ELAVL4: variants seen among roughly 807,000 people sequenced by gnomAD.
ELAVL4 encodes ELAV-like protein 4.
Under a neutral mutation model 35.6 loss-of-function variants are expected in ELAVL4, and 1 was observed. That is an observed-to-expected ratio of 0.03 (90% CI 0.01 to 0.13). The LOEUF is 0.13. ELAVL4 is among the 10% of genes least tolerant of loss of function. ELAVL4 has a pLI of 1.00. For missense variants in ELAVL4, 267 were observed against 464.9 expected (o/e 0.57, Z 3.91); for synonymous variants, 156 against 171.0 (o/e 0.91, Z 0.69).
Position 50,089,057 on chromosome 1 carries a change from A to G in ELAVL4, c.18+40875A>G, listed in dbSNP as rs146244065. ...AAGGAATTGAGCAGCTCTGACTACA[A>G]GCCACCTGAAAGTGAATGAGCTCCT... On this transcript the variant is annotated intron_variant, in intron 1 of 6. Coordinates refer to the ELAVL4 transcript ENST00000448907. 1.0e-3 allele frequency among the ~76,000 whole-genome samples: 158 copies of G among 152,342 alleles called. 4 individuals are homozygous for G. Among genetic ancestry groups the G allele is most frequent in the Non-Finnish European group, 1.0e-4 (7 of 68,036 alleles).
At chr1:50,080,939 C>T (rs1247413494) in intron 1 of ELAVL4, among the ~76,000 whole-genome samples, 1 of 152,108 alleles carries the variant, frequency 6.6e-6, no homozygotes. Context: ...CTTGCAGAGT[C>T]GATACTCGGT....
At chr1:50,048,455 C>A (rs976042221) in intron 1 of ELAVL4, among the ~76,000 whole-genome samples, 4 of 152,238 alleles carry the variant, frequency 2.6e-5, no homozygotes, top group African/African-American at 9.6e-5. Context: ...ACTTCCCGGC[C>A]CCAGGGGAGA....
chr1:50,160,834 C>T (rs1676671916), intron 2 of ELAVL4, among the ~76,000 whole-genome samples: 1 of 152,224 alleles, frequency 6.6e-6, no homozygotes, highest in Non-Finnish European at 1.5e-5. Flanking sequence ...TCTCACATAA[C>T]TTATCCCTTT....
chr1:50,055,047 G>A (rs906008746), intron 1 of ELAVL4, among the ~76,000 whole-genome samples: 9 of 152,156 alleles, frequency 5.9e-5, no homozygotes, highest in African/African-American at 2.2e-4. Context: ...CTAGGGCTGG[G>A]TCTCCACTGT....
chr1:50,165,762 G>GTGTATATA (rs1553183169), intron 2 of ELAVL4, among the ~76,000 whole-genome samples: 34 of 148,658 alleles, frequency 2.3e-4, no homozygotes, highest in African/African-American at 7.2e-4. Flanking sequence ...ATGTGTATAT[G>GTGTATATA]TGTGTATATG....
At chr1:50,199,707 C>CA (rs1011954581) in intron 6 of ELAVL4, among the ~76,000 whole-genome samples, 47 of 126,380 alleles carry the variant, frequency 3.7e-4, no homozygotes, top group African/African-American at 7.1e-4. Context: ...GACTCCATCT[C>CA]AAAAAAAAAA....
intron 2 of ELAVL4, among the ~76,000 whole-genome samples, chr1:50,166,780 A>T (rs531271176): frequency 2.6e-5 from 4 of 152,146 alleles, no homozygotes; most frequent in Admixed American, 6.5e-5. Context: ...TAGTAGACTA[A>T]TTTCATCTTG....
chr1:50,182,294 A>G (rs1303412885), intron 3 of ELAVL4, among the ~76,000 whole-genome samples: 1 of 152,258 alleles, frequency 6.6e-6, no homozygotes, highest in Non-Finnish European at 1.5e-5. Flanking sequence ...TTACATTGAG[A>G]ACCTTCAGTA....
At chr1:50,152,766 G>GT (rs2148719622) in intron 2 of ELAVL4, among the ~76,000 whole-genome samples, 2 of 151,978 alleles carry the variant, frequency 1.3e-5, no homozygotes, top group South Asian at 4.1e-4. Context: ...TTGCTTTTTC[G>GT]TTTTTTCTAC....
At chr1:50,172,952 C>T (rs964338913) in intron 2 of ELAVL4, among the ~76,000 whole-genome samples, 6 of 152,114 alleles carry the variant, frequency 3.9e-5, no homozygotes, top group African/African-American at 7.2e-5. Flanking sequence ...TTCCAGCCCC[C>T]GGAGTCAGTT....
intron 2 of ELAVL4, among the ~76,000 whole-genome samples, chr1:50,167,360 G>T (rs560137712): frequency 6.6e-6 from 1 of 152,218 alleles, no homozygotes. Flanking sequence ...TACCATGATG[G>T]TGGATAAGGC....
At chr1:50,096,935 G>T (rs978259736) in intron 1 of ELAVL4, among the ~76,000 whole-genome samples, 8 of 152,154 alleles carry the variant, frequency 5.3e-5, no homozygotes, top group Admixed American at 4.6e-4. Flanking sequence ...AAATAGCTTG[G>T]TTAGGCACAG....
chr1:50,092,310 A>G (rs1665531359), intron 1 of ELAVL4, among the ~76,000 whole-genome samples: 1 of 152,134 alleles, frequency 6.6e-6, no homozygotes, highest in Non-Finnish European at 1.5e-5. Flanking sequence ...TAGGTGTATG[A>G]CCATCAGACA....
chr1:50,100,305 G>A (rs1028864572), upstream of ELAVL4, among the ~76,000 whole-genome samples: 3 of 152,078 alleles, frequency 2.0e-5, no homozygotes, highest in Non-Finnish European at 4.4e-5. Flanking sequence ...AGGTCTGCCC[G>A]CCCACAGTCG....
intron 2 of ELAVL4, among the ~76,000 whole-genome samples, chr1:50,171,966 C>G (rs191925202): frequency 6.6e-6 from 1 of 152,212 alleles, no homozygotes; most frequent in Non-Finnish European, 1.5e-5. Flanking sequence ...GGGGTTCTAA[C>G]TTCCATAAAA....
intron 1 of ELAVL4, among the ~76,000 whole-genome samples, chr1:50,077,730 A>C (rs1327804182): frequency 6.6e-6 from 1 of 152,220 alleles, no homozygotes; most frequent in African/African-American, 2.4e-5. Flanking sequence ...AAGTATCACT[A>C]TTGATTCAAA....
intron 1 of ELAVL4, among the ~76,000 whole-genome samples, chr1:50,097,357 GT>G (rs1665763490): frequency 1.3e-5 from 2 of 152,214 alleles, no homozygotes; most frequent in Non-Finnish European, 1.5e-5. Flanking sequence ...CATTATTACA[GT>G]GTAAAGTCAG....
At chr1:50,144,474 T>G in intron 1 of ELAVL4, 1 of 418,596 alleles carries the variant, frequency 2.4e-6, no homozygotes, top group South Asian at 1.8e-5. Flanking sequence ...CTTCCCATAT[T>G]GAACAACCCC....
intron 6 of ELAVL4, 107 bp downstream of exon 6, chr1:50,197,574 C>G: frequency 9.9e-7 from 1 of 1,010,678 alleles, no homozygotes; most frequent in East Asian, 2.9e-5. Context: ...AAAATTCTTC[C>G]TTTTTCTTCC....
Sources: gnomAD v4.1 joint callset for allele counts (sites outside exome capture counted in the v4.1 genomes callset) on GRCh38, gnomAD v4.1.1 for gene constraint, MANE v1.5 for transcripts, NCBI Gene and HGNC (gene_info 2026-07-23, HGNC 2026-07-21) for gene names.